The following PRUNE2 variants were observed in gnomAD, a reference collection of about 807,000 sequenced individuals.
PRUNE2 encodes prune homolog 2 with BCH domain.
Under a neutral mutation model 252.0 loss-of-function variants are expected in PRUNE2, and 164 were observed. That is an observed-to-expected ratio of 0.65 (90% CI 0.57 to 0.74). PRUNE2 has a LOEUF of 0.74. Among genes scored for constraint, PRUNE2 ranks in the 30% least tolerant of loss-of-function variants. The pLI is 0.00. For synonymous variants in PRUNE2, 1,292 were observed against 1,350.2 expected (o/e 0.96, Z 0.94); for missense variants, 3,495 against 3,711.0 (o/e 0.94, Z 1.51).
At position 76,710,661 on chromosome 9, in the gene PRUNE2, C is replaced by G. The variant is rs941848928; in HGVS notation, c.1613G>C (p.Gly538Ala). The change falls in exon 8 of 19, where the codon GGA becomes GCA. Residue 538 changes from glycine to alanine, a missense_variant. Coordinates refer to ENST00000376718, the MANE Select transcript of PRUNE2 (RefSeq NM_015225.3). ...SEGQLPAGPE[G>A]LDGMGTNMSN... is the part of the protein sequence containing the mutation. Reference sequence around the variant, plus strand: ...CATGTTGGTTCCCATGCCATCAAGTCCTTCAGGCCCAGCGGGGAGCTGTCC... The same window carrying G: ...CATGTTGGTTCCCATGCCATCAAGTGCTTCAGGCCCAGCGGGGAGCTGTCC... 4 of 1,612,114 alleles carry G rather than the reference C, an allele frequency of 2.5e-6. No individual in the cohort carries two copies. The African/African-American group carries it at 4.0e-5, about 16-fold the overall frequency.
rs148094253 is a variant in PRUNE2, at chr9:76,846,480, C to G, written c.508+35G>C. ...GCAGGCTGGGAGACACTCCATTAAG[C>G]CTTCCAGTATTTAATAGGAAGAGCC... On this transcript the variant is annotated intron_variant, in intron 4 of 18. Transcript: ENST00000376718. 82 of 1,582,158 alleles carry G rather than the reference C, an allele frequency of 5.2e-5. No individual in the cohort carries two copies. In the Admixed American group the frequency reaches 1.4e-3, roughly 27 times the overall value.
intron 6 of PRUNE2, among the ~76,000 whole-genome samples, chr9:76,761,356 A>C (rs2051711600): frequency 6.6e-6 from 1 of 152,190 alleles, no homozygotes; most frequent in South Asian, 2.1e-4. Flanking sequence ...TGCATCTGTG[A>C]GGAACAGTCA....
intron 9 of PRUNE2, chr9:76,687,773 C>G (rs1012628535): frequency 4.8e-6 from 1 of 207,622 alleles, no homozygotes; most frequent in African/African-American, 2.3e-5. Flanking sequence ...AATTTAAAAT[C>G]TAGGAGGATA....
chr9:76,632,845 G>A (rs553542059), intron 15 of PRUNE2, among the ~76,000 whole-genome samples: 33 of 152,296 alleles, frequency 2.2e-4, no homozygotes, highest in African/African-American at 7.7e-4. Flanking sequence ...ATAGGCACAA[G>A]TCTATCTGAT....
chr9:76,659,685 C>T (rs1053229333), intron 9 of PRUNE2, among the ~76,000 whole-genome samples: 4 of 151,978 alleles, frequency 2.6e-5, no homozygotes, highest in Non-Finnish European at 5.9e-5. Flanking sequence ...CCTACTCTGA[C>T]GATCTGAAAT....
chr9:76,777,083 C>G (rs907817379), intron 6 of PRUNE2, among the ~76,000 whole-genome samples: 1 of 151,998 alleles, frequency 6.6e-6, no homozygotes. Context: ...TTCTCCCCTG[C>G]CCCATAGCCC....
chr9:76,616,803 T>C (rs1327862334), intron 18 of PRUNE2, among the ~76,000 whole-genome samples: 1 of 151,086 alleles, frequency 6.6e-6, no homozygotes, highest in African/African-American at 2.5e-5. Context: ...ACAATGATGC[T>C]AATTTAAGCT....
At chr9:76,758,353 T>C (rs563188972) in intron 6 of PRUNE2, among the ~76,000 whole-genome samples, 4 of 152,292 alleles carry the variant, frequency 2.6e-5, no homozygotes, top group African/African-American at 9.6e-5. Flanking sequence ...TCTGCATGCA[T>C]AACTCCTAGT....
chr9:76,773,477 CT>C, intron 6 of PRUNE2, among the ~76,000 whole-genome samples: 1 of 130,828 alleles, frequency 7.6e-6, no homozygotes, highest in East Asian at 2.3e-4. Context: ...GAGTCTCGCT[CT>C]TGTCGCCCAG....
intron 6 of PRUNE2, chr9:76,738,547 T>C (rs1478558752): frequency 2.6e-5 from 4 of 152,236 alleles, no homozygotes; most frequent in African/African-American, 4.8e-5. Flanking sequence ...TTCGGGCTGG[T>C]AATTATAAGA....
At chr9:76,854,005 A>C in intron 2 of PRUNE2, 99 bp downstream of exon 2, 1 of 579,672 alleles carries the variant, frequency 1.7e-6, no homozygotes, top group Non-Finnish European at 3.0e-6. Flanking sequence ...AGAACATTAA[A>C]AATTAAGTTA....
At chr9:76,851,941 G>A (rs1308063862) in intron 2 of PRUNE2, among the ~76,000 whole-genome samples, 1 of 152,158 alleles carries the variant, frequency 6.6e-6, no homozygotes, top group Non-Finnish European at 1.5e-5. Flanking sequence ...GAGAGAATGT[G>A]GGGTTCAGTG....
At chr9:76,695,589 G>A (rs1436145893) in intron 9 of PRUNE2, among the ~76,000 whole-genome samples, 3 of 152,206 alleles carry the variant, frequency 2.0e-5, no homozygotes, top group South Asian at 2.1e-4. Flanking sequence ...TTGGTAACTT[G>A]AGAAAAGAAA....
intron 1 of PRUNE2, among the ~76,000 whole-genome samples, chr9:76,900,024 A>C (rs1312253272): frequency 6.6e-6 from 1 of 152,198 alleles, no homozygotes; most frequent in African/African-American, 2.4e-5. Context: ...AAGCAGGGTG[A>C]AAGCAGTTTG....
intron 4 of PRUNE2, among the ~76,000 whole-genome samples, chr9:76,839,575 G>A (rs981729875): frequency 2.0e-5 from 3 of 152,246 alleles, no homozygotes; most frequent in East Asian, 1.9e-4. Flanking sequence ...GAGAGATGAC[G>A]TGGTGGTCTC....
Position 76,709,392 on chromosome 9 carries a change from G to A in PRUNE2, c.2882C>T (p.Ser961Phe). ...GGTGGAATAATTGGTATCTAAGGGG[G>A]AAGGCACCGAATCTTCTCCTAGGTT... ...ASNLGEDSVP[S>F]PLDTNYSTSD... Residue 961 changes from serine (S) to phenylalanine (F), a missense_variant, in exon 8 of 19, where the codon TCC becomes TTC. By Grantham distance (155) the Ser-to-Phe change is radical. Transcript: ENST00000376718. 6.2e-7 allele frequency: 1 copy of A among 1,614,000 alleles called. No individual in the cohort carries two copies. The highest frequency in any genetic ancestry group is 8.5e-7 in the Non-Finnish European group (1 of 1,179,876).
chr9:76,774,757 C>T (rs555189304), intron 6 of PRUNE2, among the ~76,000 whole-genome samples: 4 of 152,118 alleles, frequency 2.6e-5, no homozygotes, highest in African/African-American at 9.6e-5. Context: ...CTAGGCCCGA[C>T]CCAATTCTTT....
chr9:76,747,552 T>C (rs2050231551), intron 6 of PRUNE2, among the ~76,000 whole-genome samples: 1 of 152,168 alleles, frequency 6.6e-6, no homozygotes, highest in African/African-American at 2.4e-5. Flanking sequence ...AGAGCCTCAA[T>C]TCAAACTCGG....
chr9:76,852,547 G>A (rs553675158), intron 2 of PRUNE2, among the ~76,000 whole-genome samples: 1 of 147,870 alleles, frequency 6.8e-6, no homozygotes, highest in Non-Finnish European at 1.5e-5. Context: ...GGGGTCACAC[G>A]CATGAGGCAG....
Sources: gnomAD v4.1 joint callset for allele counts (sites outside exome capture counted in the v4.1 genomes callset) on GRCh38, gnomAD v4.1.1 for gene constraint, MANE v1.5 for transcripts, NCBI Gene and HGNC (gene_info 2026-07-23, HGNC 2026-07-21) for gene names.